Variants in DCHS2 observed in about 807,000 individuals in gnomAD.
The protein encoded by DCHS2 is dachsous cadherin-related 2.
A neutral mutation model predicts 182.4 loss-of-function variants in DCHS2; 142 were observed. The ratio of observed to expected loss-of-function variants is 0.78; its 90% CI spans 0.68 to 0.89. The LOEUF (loss-of-function observed/expected upper bound fraction) is 0.89, where lower values mean the gene tolerates loss of function less well. Ranked by LOEUF, DCHS2 falls within the 40% of genes least tolerant of loss-of-function variation. The pLI, the probability that DCHS2 is intolerant of heterozygous loss-of-function variation, is 0.00. For synonymous variants in DCHS2, 1,740 were observed against 1,663.3 expected, an observed-to-expected ratio of 1.05 and a Z score of -1.12; for missense variants, 4,319 against 4,198.6, an observed-to-expected ratio of 1.03 and a Z score of -0.79.
chr4:154,343,301 T>G (rs994226486), intron 3 of DCHS2, among the ~76,000 whole-genome samples: 5 of 152,324 alleles, frequency 3.3e-5, no homozygotes, highest in African/African-American at 9.6e-5. Flanking sequence ...TTGTTCCACT[T>G]AAAGTCACCA....
chr4:154,489,179 T>C, intron 1 of DCHS2, 125 bp downstream of exon 1: 1 of 831,026 alleles, frequency 1.2e-6, no homozygotes, highest in South Asian at 2.2e-5. Context: ...GAGGGGGCAC[T>C]ACCGCCAGTC....
At position 154,234,274 on chromosome 4, in the gene DCHS2, C is replaced by G. The variant is rs1432069280; in HGVS notation, c.*262G>C. On this transcript the variant is annotated 3_prime_UTR_variant, in exon 20 of 20. Coordinates refer to ENST00000357232, the MANE Select transcript of DCHS2 (RefSeq NM_001358235.2). ...TTTGGAAGTCTAATCATACAGACAA[C>G]AGGTCTGACAGAATATACACTACTT... The G allele has an allele frequency of 8.9e-6, 3 of 336,504 alleles. No homozygotes were observed. The highest frequency in any genetic ancestry group is 1.6e-5 in the Non-Finnish European group (3 of 189,876). 20.8% of individuals were successfully genotyped at this position (336,504 alleles called of 1,614,324 possible).
In DCHS2 at chr4:154,234,612, C is replaced by G. The variant is rs752121816; in HGVS notation, c.10040G>C (p.Arg3347Thr). 6.2e-7 allele frequency: 1 copy of G among 1,613,984 alleles called. No individual in the cohort carries two copies. The highest frequency in any genetic ancestry group is 2.2e-5 in the East Asian group (1 of 44,844). The change falls in exon 20 of 20, where the codon AGA becomes ACA. Residue 3347 changes from arginine to threonine, a missense_variant. Physicochemically the swap from Arg to Thr is moderately conservative, Grantham distance 71. Transcript: ENST00000357232. The stretch of plus-strand genomic sequence containing the variant: ...GTGTGTTCCTAATAATTCTCCTTCT[C>G]TCAACAGTGGAGACAAGGCAGGAGG... ...MQPPALSPLLREGELLGTHIS... is the reference protein window; with the variant it reads ...MQPPALSPLLTEGELLGTHIS...
chr4:154,365,306 T>C (rs1730298584), intron 3 of DCHS2, among the ~76,000 whole-genome samples: 1 of 152,092 alleles, frequency 6.6e-6, no homozygotes, highest in Admixed American at 6.6e-5. Context: ...TATTAATACA[T>C]CCAAATGAGG....
At chr4:154,357,134 A>T in intron 3 of DCHS2, 1 of 842,118 alleles carries the variant, frequency 1.2e-6, no homozygotes, top group Non-Finnish European at 2.0e-6. Context: ...AGTTGTTTAA[A>T]ACTCACTTTC....
Position 154,252,584 on chromosome 4 carries a change from G to T in DCHS2, c.6941+2935C>A, listed in dbSNP as rs1228022210. On this transcript the variant is annotated intron_variant, in intron 16 of 19. Transcript: ENST00000357232. ...CTCCCACAAATAAGTGAGAACATGT[G>T]ATGTTTGTATTTCACTTAACATAAT... Among the ~76,000 whole-genome samples, 3 of 151,218 alleles carry T rather than the reference G, an allele frequency of 2.0e-5. No homozygotes were observed. The East Asian group carries it at 5.9e-4, about 30-fold the overall frequency.
chr4:154,392,281 CT>C, intron 1 of DCHS2, among the ~76,000 whole-genome samples: 1 of 152,276 alleles, frequency 6.6e-6, no homozygotes, highest in South Asian at 2.1e-4. Flanking sequence ...TGACTTTTAT[CT>C]TTTAGCTGTA....
intron 16 of DCHS2, among the ~76,000 whole-genome samples, chr4:154,247,388 A>G (rs1732124119): frequency 6.6e-6 from 1 of 151,256 alleles, no homozygotes; most frequent in Admixed American, 6.6e-5. Context: ...TGAGGTAGGA[A>G]AGTCACTTGA....
chr4:154,362,231 C>T (rs1730156892), intron 3 of DCHS2, among the ~76,000 whole-genome samples: 1 of 152,010 alleles, frequency 6.6e-6, no homozygotes, highest in South Asian at 2.1e-4. Flanking sequence ...AAGTAAAGTG[C>T]CAGCACAGGT....
At chr4:154,339,263 CT>C (rs1194543840) in intron 3 of DCHS2, among the ~76,000 whole-genome samples, 1 of 152,054 alleles carries the variant, frequency 6.6e-6, no homozygotes, top group Non-Finnish European at 1.5e-5. Context: ...CCTTTTTGTT[CT>C]TTTTCAGGCC....
chr4:154,464,118 G>A lies in DCHS2; in HGVS notation c.2052+25186C>T, dbSNP rs181334578. On this transcript the variant is annotated intron_variant, in intron 1 of 19. Transcript: ENST00000357232. ...CAATGTCACCATGTAAAATGTGTGA[G>A]CAGGCAAAATTAGACTGGTCACCAA... 1.4e-3 allele frequency among the ~76,000 whole-genome samples: 206 copies of A among 152,264 alleles called. 1 individual carries two copies. Among genetic ancestry groups the A allele is most frequent in the African/African-American group, 4.8e-3 (201 of 41,538 alleles).
chr4:154,438,499 T>G (rs6811271), intron 1 of DCHS2, among the ~76,000 whole-genome samples: 69,870 of 152,052 alleles, frequency 0.46, 16,559 homozygotes, highest in Middle Eastern at 0.68. Flanking sequence ...TCTTGGTTAT[T>G]CTCACCTACA....
At chr4:154,393,756 C>T (rs960704570) in intron 1 of DCHS2, among the ~76,000 whole-genome samples, 4 of 152,152 alleles carry the variant, frequency 2.6e-5, no homozygotes, top group African/African-American at 9.7e-5. Context: ...AGATGTGCCA[C>T]ATCACCACTC....
chr4:154,477,222 C>T (rs1417611581), intron 1 of DCHS2, among the ~76,000 whole-genome samples: 16 of 152,166 alleles, frequency 1.1e-4, no homozygotes, highest in Admixed American at 1.0e-3. Flanking sequence ...TTGATGTAGC[C>T]TCACGTGGCG....
In DCHS2 at chr4:154,332,662, C is replaced by T; in HGVS notation, c.3546G>A (p.Trp1182Ter). The stretch of plus-strand genomic sequence containing the variant: ...AGGTGGGGGAATTGTCATTCTCATC[C>T]CAGACACGAACAATGACTGTAGTGC... ...NVSTTVIVRVWDENDNSPTFL... is the reference protein window; with the variant it reads ...NVSTTVIVRV The change falls in exon 5 of 20, where the codon TGG (tryptophan) becomes TGA (stop). Residue 1182 changes from tryptophan (W) to a stop codon, truncating the protein, a stop_gained. Coordinates refer to ENST00000357232, the MANE Select transcript of DCHS2 (RefSeq NM_001358235.2). LOFTEE classifies it high-confidence loss of function. The T allele has an allele frequency of 6.2e-7, 1 of 1,614,236 alleles. No individual in the cohort carries two copies. Among genetic ancestry groups the T allele is most frequent in the Non-Finnish European group, 8.5e-7 (1 of 1,180,040 alleles).
intron 10 of DCHS2, among the ~76,000 whole-genome samples, chr4:154,308,303 G>T (rs79601472): frequency 0.016 from 2,498 of 151,738 alleles, 66 homozygotes; most frequent in East Asian, 0.11. Context: ...GGGGAGGAAG[G>T]CATGAGGAAG....
chr4:154,467,447 A>G (rs1735283870), intron 1 of DCHS2, among the ~76,000 whole-genome samples: 1 of 152,176 alleles, frequency 6.6e-6, no homozygotes, highest in South Asian at 2.1e-4. Flanking sequence ...AACTCTAAAT[A>G]CATACTCTAT....
intron 18 of DCHS2, among the ~76,000 whole-genome samples, chr4:154,240,177 A>C (rs1731731946): frequency 6.6e-6 from 1 of 152,162 alleles, no homozygotes; most frequent in African/African-American, 2.4e-5. Context: ...AATGCATTCC[A>C]AAAATATGCC....
intron 1 of DCHS2, among the ~76,000 whole-genome samples, chr4:154,398,714 C>G (rs1732033998): frequency 6.6e-6 from 1 of 152,156 alleles, no homozygotes; most frequent in Admixed American, 6.5e-5. Context: ...CAAGTAGGAC[C>G]TTCTCCCCCA....
Sources: gnomAD v4.1 joint callset for allele counts (sites outside exome capture counted in the v4.1 genomes callset) on GRCh38, gnomAD v4.1.1 for gene constraint, MANE v1.5 for transcripts, NCBI Gene and HGNC (gene_info 2026-07-23, HGNC 2026-07-21) for gene names.